EMC2: variants seen among roughly 807,000 people sequenced by gnomAD.
The protein encoded by EMC2 is TPR repeat protein 35.
In EMC2, 37 loss-of-function variants were observed where a neutral mutation model predicts 51.6. The ratio of observed to expected loss-of-function variants is 0.72; its 90% CI spans 0.55 to 0.94. EMC2 has a LOEUF of 0.94. EMC2 is among the 40% of genes least tolerant of loss of function. The probability of loss-of-function intolerance (pLI) is 0.00; values close to 1 mark genes in which losing one functional copy is unlikely to be tolerated. For missense variants in EMC2, 359 were observed against 350.9 expected, an observed-to-expected ratio of 1.02 and a Z score of -0.18; for synonymous variants, 131 against 112.4, an observed-to-expected ratio of 1.17 and a Z score of -1.04.
chr8:108,468,110 G>A (rs1396136892), intron 5 of EMC2, among the ~76,000 whole-genome samples: 1 of 152,138 alleles, frequency 6.6e-6, no homozygotes, highest in Non-Finnish European at 1.5e-5. Context: ...AAAAATGAAA[G>A]ATTAAATTAT....
At chr8:108,474,554 T>TACACAC (rs34518937) in intron 7 of EMC2, 23 of 150,442 alleles carry the variant, frequency 1.5e-4, no homozygotes, top group African/African-American at 5.6e-4. Context: ...TGGATGAGAG[T>TACACAC]ACACACACAC....
In EMC2 at chr8:108,450,491, T is replaced by C; in HGVS notation, c.218T>C (p.Leu73Ser). Residue 73 changes from leucine (L) to serine (S), a missense_variant and splice_region_variant, in exon 3 of 11, where the codon TTG (leucine) becomes TCG (serine). Coordinates refer to ENST00000220853, the MANE Select transcript of EMC2 (RefSeq NM_014673.5). ...GACTATGGTCGGGATGACTTGGCAT[T>C]GGTAGGTATTTAAATGAAGTATATA... Reference protein sequence around the residue: ...ALDYGRDDLALFCLQELRRQF... With the variant: ...ALDYGRDDLASFCLQELRRQF... 6.5e-7 allele frequency: 1 copy of C among 1,547,970 alleles called. No individual in the cohort carries two copies. Among genetic ancestry groups the C allele is most frequent in the Non-Finnish European group, 8.9e-7 (1 of 1,119,956 alleles).
chr8:108,453,203 A>AT (rs552661997), intron 4 of EMC2, 56 bp downstream of exon 4: 22,879 of 763,402 alleles, frequency 0.03, no homozygotes, highest in South Asian at 0.042. Context: ...GGTGGTGTTA[A>AT]TTTTTTTTTT....
intron 5 of EMC2, among the ~76,000 whole-genome samples, chr8:108,464,859 C>T (rs1197620797): frequency 2.0e-5 from 3 of 152,174 alleles, no homozygotes; most frequent in Non-Finnish European, 1.5e-5. Flanking sequence ...TATCTTGCTC[C>T]AGAAGATGCT....
At position 108,450,512 on chromosome 8, in the gene EMC2, A is replaced by T; in HGVS notation, c.219+20A>T. The T allele has an allele frequency of 7.1e-7, 1 of 1,402,762 alleles. No individual in the cohort carries two copies. The highest frequency in any genetic ancestry group is 1.0e-6 in the Non-Finnish European group (1 of 987,164). 86.9% of individuals were successfully genotyped at this position (1,402,762 alleles called of 1,614,324 possible). ...GCATTGGTAGGTATTTAAATGAAGT[A>T]TATATTTAATTTGCTTCATCAATTG... is the stretch of plus-strand genomic sequence containing the variant. On this transcript the variant is annotated intron_variant, in intron 3 of 10. Coordinates refer to ENST00000220853, the MANE Select transcript of EMC2 (RefSeq NM_014673.5).
rs745736972 is a variant in EMC2 at position 108,449,895 on chromosome 8, A to G, written c.113A>G (p.Glu38Gly). The G allele has an allele frequency of 1.3e-6, 2 of 1,594,874 alleles. No individual in the cohort carries two copies. The highest frequency in any genetic ancestry group is 8.6e-7 in the Non-Finnish European group (1 of 1,163,258). Residue 38 changes from glutamate (E) to glycine (G), a missense_variant, in exon 2 of 11, where the codon GAA becomes GGA. Physicochemically the swap from Glu to Gly is moderately conservative, Grantham distance 98. Transcript: ENST00000220853. ...RNSEQIVEVG[E>G]ELINEYASKL... is the part of the protein sequence containing the mutation. Reference sequence around the variant, plus strand: ...AGTGAGCAAATTGTGGAAGTTGGAGAAGAATTAATTAATGAATATGCTTCT... The same window carrying G: ...AGTGAGCAAATTGTGGAAGTTGGAGGAGAATTAATTAATGAATATGCTTCT...
chr8:108,475,798 G>C, intron 7 of EMC2, 84 bp from the exon 8 acceptor site: 1 of 718,314 alleles, frequency 1.4e-6, no homozygotes, highest in Non-Finnish European at 2.4e-6. Flanking sequence ...CATGACTAAA[G>C]TTGTTTTTAA....
At chr8:108,478,501 A>G (rs1810986797) in intron 9 of EMC2, among the ~76,000 whole-genome samples, 1 of 151,988 alleles carries the variant, frequency 6.6e-6, no homozygotes, top group Non-Finnish European at 1.5e-5. Flanking sequence ...TGGTCAAGTT[A>G]AATCTCTCTT....
rs1811148770 is a variant in EMC2, at chr8:108,486,722, T to C, written c.*124T>C. The C allele has an allele frequency of 3.0e-6, 3 of 996,032 alleles. No individual in the cohort carries two copies. The highest frequency in any genetic ancestry group is 4.2e-6 in the Non-Finnish European group (3 of 721,228). 61.7% of individuals were successfully genotyped at this position (996,032 alleles called of 1,614,324 possible). A position where few individuals can be genotyped will look rare whatever the true frequency, so the allele number is the denominator to read the frequency against. ...CAGTAATTTTCTGTTAAGAAGGCAG[T>C]TGTAAAGAATGTGTTTATATAAACC... On this transcript the variant is annotated 3_prime_UTR_variant, in exon 11 of 11. Transcript: ENST00000220853.
rs373805869 is a variant in EMC2 at position 108,481,269 on chromosome 8, A to G, written c.807+2159A>G. 5.9e-5 allele frequency among the ~76,000 whole-genome samples: 9 copies of G among 152,264 alleles called. No homozygotes were observed. In the East Asian group the frequency reaches 1.4e-3, roughly 23 times the overall value. On this transcript the variant is annotated intron_variant, in intron 10 of 10. Transcript: ENST00000220853. Reference sequence around the variant, plus strand: ...AATGTAGTGCCTCCATAATCACATCATTGAAAGTCACCTTTGTGTATTTTT... The same window carrying G: ...AATGTAGTGCCTCCATAATCACATCGTTGAAAGTCACCTTTGTGTATTTTT...
intron 3 of EMC2, among the ~76,000 whole-genome samples, chr8:108,452,121 A>G (rs375888970): frequency 3.9e-5 from 6 of 152,182 alleles, no homozygotes; most frequent in African/African-American, 9.7e-5. Context: ...AATCCTTCAT[A>G]TGTTGCTGAG....
At chr8:108,448,341 A>G (rs1818930428) in intron 1 of EMC2, among the ~76,000 whole-genome samples, 1 of 152,132 alleles carries the variant, frequency 6.6e-6, no homozygotes, top group South Asian at 2.1e-4. Flanking sequence ...CCAGTATACT[A>G]TACGTCCTCT....
chr8:108,470,547 C>G (rs559044177), intron 7 of EMC2, among the ~76,000 whole-genome samples: 11 of 152,210 alleles, frequency 7.2e-5, no homozygotes, highest in African/African-American at 2.6e-4. Context: ...AGCCTTAGTA[C>G]TAAGAGAATC....
chr8:108,480,796 T>C (rs1811031891), intron 10 of EMC2, among the ~76,000 whole-genome samples: 2 of 152,146 alleles, frequency 1.3e-5, no homozygotes, highest in Non-Finnish European at 2.9e-5. Context: ...GGTTTTGTCC[T>C]TCTGGAAGAG....
At chr8:108,461,512 G>T (rs763974526) in intron 5 of EMC2, among the ~76,000 whole-genome samples, 1 of 152,196 alleles carries the variant, frequency 6.6e-6, no homozygotes, top group Non-Finnish European at 1.5e-5. Flanking sequence ...AAGGATGAGT[G>T]TGACTTAAAT....
intron 1 of EMC2, among the ~76,000 whole-genome samples, chr8:108,449,460 A>G (rs144380624): frequency 0.011 from 1,634 of 152,218 alleles, 37 homozygotes; most frequent in African/African-American, 0.036. Context: ...TTTAGTAGAG[A>G]CAAGGTTTCG....
At chr8:108,458,301 G>A (rs557398040) in intron 5 of EMC2, among the ~76,000 whole-genome samples, 6 of 152,158 alleles carry the variant, frequency 3.9e-5, no homozygotes, top group South Asian at 4.1e-4. Context: ...TCTGGAGGAC[G>A]GTGGCCCTTT....
At chr8:108,446,356 AAATATCTGGTAGT>A in intron 1 of EMC2, 7 of 376,730 alleles carry the variant, frequency 1.9e-5, no homozygotes, top group South Asian at 1.4e-4. Context: ...AAATCTTTAG[AAATATCTGGTAGT>A]AATTTACAGA....
chr8:108,464,174 T>G (rs1819406797), intron 5 of EMC2: 1 of 152,128 alleles, frequency 6.6e-6, no homozygotes, highest in Non-Finnish European at 1.5e-5. Flanking sequence ...ACTCAGCCAG[T>G]TCCCCCACTG....
Sources: allele counts gnomAD v4.1 joint callset (sites outside exome capture counted in the v4.1 genomes callset), GRCh38; gene constraint gnomAD v4.1.1; transcripts MANE v1.5; gene names NCBI Gene and HGNC (gene_info 2026-07-23, HGNC 2026-07-21).